The following COA1 variants were observed in gnomAD, a reference collection of about 807,000 sequenced individuals.
COA1 encodes the protein cytochrome c oxidase assembly factor 1.
COA1 carries 13 observed loss-of-function variants against 16.0 expected under a neutral mutation model. The observed-to-expected ratio is 0.81, with a 90% CI of 0.53 to 1.29. The LOEUF is 1.29. Ranked by LOEUF, COA1 falls within the 50% of genes most tolerant of loss-of-function variation. The pLI, the probability that COA1 is intolerant of heterozygous loss-of-function variation, is 0.00. For missense variants in COA1, 179 were observed against 177.0 expected, an observed-to-expected ratio of 1.01 and a Z score of -0.06; for synonymous variants, 65 against 65.7, an observed-to-expected ratio of 0.99 and a Z score of 0.05.
At chr7:43,705,532 C>T (rs1007683333) in intron 1 of COA1, among the ~76,000 whole-genome samples, 4 of 152,204 alleles carry the variant, frequency 2.6e-5, no homozygotes, top group South Asian at 2.1e-4. Context: ...AGGCCAGCAA[C>T]GGGCAGTTGG....
At chr7:43,700,531 T>C (rs2094689222) in intron 1 of COA1, among the ~76,000 whole-genome samples, 1 of 106,000 alleles carries the variant, frequency 9.4e-6, no homozygotes. Context: ...TGTAGGCAGA[T>C]ATATATATAT....
chr7:43,677,305 C>G (rs909228355), intron 1 of COA1, among the ~76,000 whole-genome samples: 13 of 152,118 alleles, frequency 8.5e-5, no homozygotes, highest in African/African-American at 3.1e-4. Context: ...GAAAGAAACC[C>G]ATTTCAGTTA....
At chr7:43,628,035 G>A (rs189622389) in intron 6 of COA1, among the ~76,000 whole-genome samples, 196 of 152,292 alleles carry the variant, frequency 1.3e-3, no homozygotes, top group Admixed American at 2.0e-3. Flanking sequence ...TGCCCAGGCT[G>A]GAGTGCAATG....
chr7:43,707,756 T>C (rs971915851), intron 1 of COA1, among the ~76,000 whole-genome samples: 6 of 152,236 alleles, frequency 3.9e-5, no homozygotes, highest in African/African-American at 1.4e-4. Flanking sequence ...AATAATTTAC[T>C]TACTATACTG....
intron 6 of COA1, among the ~76,000 whole-genome samples, chr7:43,620,963 C>T (rs753375385): frequency 7.9e-5 from 12 of 151,972 alleles, no homozygotes; most frequent in Non-Finnish European, 1.3e-4. Context: ...CAAATACAGG[C>T]TAGAAGAGGG....
At chr7:43,674,780 C>G (rs2093435781) in intron 1 of COA1, among the ~76,000 whole-genome samples, 1 of 152,194 alleles carries the variant, frequency 6.6e-6, no homozygotes, top group Non-Finnish European at 1.5e-5. Context: ...CAAGACTTAT[C>G]TTCAGGACTT....
At chr7:43,634,929 T>C (rs2085611457), downstream of COA1, among the ~76,000 whole-genome samples, 1 of 152,202 alleles carries the variant, frequency 6.6e-6, no homozygotes, top group Non-Finnish European at 1.5e-5. Context: ...TGTTATTCCT[T>C]GGGTACTGAA....
intron 1 of COA1, among the ~76,000 whole-genome samples, chr7:43,721,208 G>A (rs1167809302): frequency 6.6e-6 from 1 of 152,178 alleles, no homozygotes; most frequent in African/African-American, 2.4e-5. Context: ...TTTATCCATA[G>A]ACTGCTTTAC....
chr7:43,709,363 T>C lies in COA1; in HGVS notation c.-39+20066A>G, dbSNP rs942636084. On this transcript the variant is annotated intron_variant, in intron 1 of 5. Coordinates refer to ENST00000223336, the MANE Select transcript of COA1 (RefSeq NM_018224.4). Reference sequence around the variant, plus strand: ...TCTTTACTGTTTTGCCTTTCACAGGTAGATCTACAATCCACTGAGAATTCA... The same window carrying C: ...TCTTTACTGTTTTGCCTTTCACAGGCAGATCTACAATCCACTGAGAATTCA... Among the ~76,000 whole-genome samples, 7 of 151,898 alleles carry C rather than the reference T, an allele frequency of 4.6e-5. No homozygotes were observed. In the East Asian group the frequency reaches 1.4e-3, roughly 29 times the overall value.
At chr7:43,720,043 C>T (rs762372413) in intron 1 of COA1, among the ~76,000 whole-genome samples, 12 of 152,092 alleles carry the variant, frequency 7.9e-5, no homozygotes, top group Non-Finnish European at 1.8e-4. Flanking sequence ...CTTTGGGAGG[C>T]CAAGGTGGGC....
At chr7:43,718,094 A>G (rs2095431002) in intron 1 of COA1, among the ~76,000 whole-genome samples, 1 of 152,198 alleles carries the variant, frequency 6.6e-6, no homozygotes, top group African/African-American at 2.4e-5. Flanking sequence ...ATACAGAATA[A>G]TATATTGTAC....
intron 1 of COA1, among the ~76,000 whole-genome samples, chr7:43,722,522 A>T (rs901464750): frequency 6.6e-6 from 1 of 152,176 alleles, no homozygotes; most frequent in Non-Finnish European, 1.5e-5. Flanking sequence ...GCCTCGTACC[A>T]GCTGCGAGTA....
chr7:43,630,485 C>A lies in COA1; in HGVS notation c.*133+8964G>T, dbSNP rs530972361. Among the ~76,000 whole-genome samples the A allele has an allele frequency of 1.3e-3, 196 of 152,122 alleles. 1 individual carries two copies. In the Middle Eastern group the frequency reaches 0.031, roughly 24 times the overall value. ...TCTAATAAATTGTAAGAGAAGTATA[C>A]CTAGAAGATAAAGTATTTGGGAAGA... On this transcript the variant is annotated intron_variant and NMD_transcript_variant, in intron 6 of 6. Coordinates refer to the COA1 transcript ENST00000415076.
rs117232779 is a variant in COA1, at chr7:43,685,427, T to C, written c.-38-36775A>G. The stretch of plus-strand genomic sequence containing the variant: ...ACACAAGATCTACATGCTTTACATA[T>C]ATATCAACAATTTTCTCATATCAGA... On this transcript the variant is annotated intron_variant, in intron 1 of 5. Coordinates refer to ENST00000223336, the MANE Select transcript of COA1 (RefSeq NM_018224.4). 9.6e-3 allele frequency among the ~76,000 whole-genome samples: 1,458 copies of C among 152,300 alleles called. 13 individuals carry two copies. Among genetic ancestry groups the C allele is most frequent in the Middle Eastern group, 0.031 (9 of 294 alleles).
chr7:43,694,258 T>TA (rs147164915), intron 1 of COA1, among the ~76,000 whole-genome samples: 8,200 of 139,164 alleles, frequency 0.059, 268 homozygotes, highest in Middle Eastern at 0.14. Context: ...CTCCCATCTT[T>TA]AAAAAAAAAA....
At chr7:43,628,756 G>A (rs1434715901) in intron 6 of COA1, among the ~76,000 whole-genome samples, 2 of 152,038 alleles carry the variant, frequency 1.3e-5, no homozygotes, top group Non-Finnish European at 2.9e-5. Flanking sequence ...ACTCCTTTGT[G>A]CATTCTGGAC....
At chr7:43,684,694 T>A (rs1251689960) in intron 1 of COA1, among the ~76,000 whole-genome samples, 1 of 152,202 alleles carries the variant, frequency 6.6e-6, no homozygotes, top group Non-Finnish European at 1.5e-5. Flanking sequence ...GCCACCATCT[T>A]ATAGCAAAGA....
intron 1 of COA1, among the ~76,000 whole-genome samples, chr7:43,709,367 T>A (rs1337460404): frequency 1.3e-5 from 2 of 152,006 alleles, no homozygotes; most frequent in Non-Finnish European, 2.9e-5. Flanking sequence ...CACAGGTAGA[T>A]CTACAATCCA....
At chr7:43,642,992 A>G (rs751157464) in intron 4 of COA1, among the ~76,000 whole-genome samples, 2 of 152,226 alleles carry the variant, frequency 1.3e-5, no homozygotes, top group Non-Finnish European at 2.9e-5. Flanking sequence ...CACAAATTGG[A>G]AGGCGTGCAC....
Sources: gnomAD v4.1 joint callset for allele counts (sites outside exome capture counted in the v4.1 genomes callset) on GRCh38, gnomAD v4.1.1 for gene constraint, MANE v1.5 for transcripts, NCBI Gene and HGNC (gene_info 2026-07-23, HGNC 2026-07-21) for gene names.